Variants in GRIK4 observed in about 807,000 individuals in gnomAD.
The protein encoded by GRIK4 is glutamate receptor ionotropic, kainate 4.
A neutral mutation model predicts 104.9 loss-of-function variants in GRIK4; 40 were observed. That is an observed-to-expected ratio of 0.38 (90% CI 0.30 to 0.50). The LOEUF (loss-of-function observed/expected upper bound fraction) is 0.50. Among genes scored for constraint, GRIK4 ranks in the 20% least tolerant of loss-of-function variants. The pLI, the probability that GRIK4 is intolerant of heterozygous loss-of-function variation, is 0.93. For missense variants in GRIK4, 1,047 were observed against 1,308.1 expected, an observed-to-expected ratio of 0.80 and a Z score of 3.08; for synonymous variants, 485 against 524.9, an observed-to-expected ratio of 0.92 and a Z score of 1.04.
At chr11:120,514,760 G>A (rs559542594) in intron 1 of GRIK4, among the ~76,000 whole-genome samples, 2 of 152,086 alleles carry the variant, frequency 1.3e-5, no homozygotes, top group Admixed American at 6.5e-5. Context: ...GCATGCAGCC[G>A]GGGTGCCTGG....
chr11:120,599,031 A>G (rs1948844880), intron 1 of GRIK4, among the ~76,000 whole-genome samples: 1 of 152,210 alleles, frequency 6.6e-6, no homozygotes, highest in African/African-American at 2.4e-5. Context: ...GCGTTACTGC[A>G]AAGGGTAACA....
intron 1 of GRIK4, among the ~76,000 whole-genome samples, chr11:120,625,251 G>C (rs1405739288): frequency 1.3e-5 from 2 of 152,184 alleles, no homozygotes; most frequent in African/African-American, 4.8e-5. Context: ...CCCAGCCTGG[G>C]CGACAGAGTG....
chr11:120,916,307 A>C (rs1206746813), intron 13 of GRIK4, among the ~76,000 whole-genome samples: 3 of 143,340 alleles, frequency 2.1e-5, no homozygotes, highest in African/African-American at 9.0e-5. Flanking sequence ...AGATGCGAGC[A>C]GAAGTTATTT....
chr11:120,805,272 A>G (rs1359090485), intron 4 of GRIK4, among the ~76,000 whole-genome samples: 1 of 152,148 alleles, frequency 6.6e-6, no homozygotes, highest in Non-Finnish European at 1.5e-5. Flanking sequence ...TAAATAGTTC[A>G]GTAGTCCATA....
chr11:120,705,892 C>T (rs552095266), intron 3 of GRIK4, among the ~76,000 whole-genome samples: 1 of 152,278 alleles, frequency 6.6e-6, no homozygotes, highest in Admixed American at 6.5e-5. Flanking sequence ...TGTTTATTAG[C>T]TCTAGTAGTG....
At chr11:120,849,513 C>G (rs896223469) in intron 8 of GRIK4, among the ~76,000 whole-genome samples, 1 of 152,208 alleles carries the variant, frequency 6.6e-6, no homozygotes, top group Non-Finnish European at 1.5e-5. Context: ...ACCCATTTCC[C>G]AAAGCTGGTA....
intron 3 of GRIK4, among the ~76,000 whole-genome samples, chr11:120,671,625 T>A (rs1482003452): frequency 1.3e-5 from 2 of 152,250 alleles, no homozygotes; most frequent in Non-Finnish European, 2.9e-5. Context: ...ATTCTGGATA[T>A]TAGCCCTTGT....
At chr11:120,875,364 G>A (rs756312375) in intron 11 of GRIK4, 121 bp downstream of exon 11, 23 of 696,086 alleles carry the variant, frequency 3.3e-5, no homozygotes, top group Middle Eastern at 3.7e-4. Flanking sequence ...GCTGGATCCT[G>A]GGCAAGGCTC....
chr11:120,952,809 T>G lies in GRIK4; in HGVS notation c.1591-46T>G, dbSNP rs1410156420. 2 of 1,341,872 alleles carry G rather than the reference T, an allele frequency of 1.5e-6. No individual in the cohort carries two copies. Among genetic ancestry groups the G allele is most frequent in the Admixed American group, 1.7e-5 (1 of 59,638 alleles). 83.1% of individuals were successfully genotyped at this position (1,341,872 alleles called of 1,614,324 possible). ...CCGCCCTGCCTGCCCCAAGGTCATG[T>G]TGACTGAATATGTGCGGTGAATCTT... On this transcript the variant is annotated intron_variant, in intron 14 of 20. Transcript: ENST00000527524. This position sits in a 1 kb window ranked among gnomAD's most constrained non-coding sequence, Gnocchi z 5.2.
At chr11:120,689,397 C>A (rs781186453) in intron 3 of GRIK4, among the ~76,000 whole-genome samples, 2 of 152,078 alleles carry the variant, frequency 1.3e-5, no homozygotes, top group African/African-American at 4.8e-5. Flanking sequence ...TAGGGTTTCT[C>A]TTATTTATGA....
chr11:120,844,175 C>A (rs749726944), intron 8 of GRIK4, among the ~76,000 whole-genome samples: 1 of 152,032 alleles, frequency 6.6e-6, no homozygotes, highest in Non-Finnish European at 1.5e-5. Flanking sequence ...ATAATTGATT[C>A]CAGGAGGAAA....
chr11:120,796,319 G>C (rs916567265), intron 3 of GRIK4, among the ~76,000 whole-genome samples: 15 of 152,204 alleles, frequency 9.9e-5, no homozygotes, highest in African/African-American at 3.6e-4. Flanking sequence ...ACAGGCGTGA[G>C]CCATCGTGCC....
Position 120,555,858 on chromosome 11 carries a change from G to A in GRIK4, c.-159+43971G>A, listed in dbSNP as rs1948181034. Among the ~76,000 whole-genome samples, 3 of 152,106 alleles carry A rather than the reference G, an allele frequency of 2.0e-5. No homozygotes were observed. Among genetic ancestry groups the A allele is most frequent in the Non-Finnish European group, 4.4e-5 (3 of 68,020 alleles). On this transcript the variant is annotated intron_variant, in intron 1 of 20. Transcript: ENST00000527524. The surrounding 1 kb of genome is among the most constrained non-coding windows in gnomAD (Gnocchi z 5.3). ...GGCCATGCTGGGGCCACGCGTCTTG[G>A]GAGCAACAGAAAATGCCTTGTCTTG...
chr11:120,746,710 C>T (rs1359174715), intron 3 of GRIK4, among the ~76,000 whole-genome samples: 1 of 152,168 alleles, frequency 6.6e-6, no homozygotes, highest in Non-Finnish European at 1.5e-5. Flanking sequence ...TCATGAGCTG[C>T]AAGCATTGGA....
intron 1 of GRIK4, among the ~76,000 whole-genome samples, chr11:120,619,045 G>C (rs1209320080): frequency 6.6e-6 from 1 of 152,162 alleles, no homozygotes; most frequent in Non-Finnish European, 1.5e-5. Context: ...GCCTGGAAAA[G>C]CTGCAGGCAC....
intron 1 of GRIK4, among the ~76,000 whole-genome samples, chr11:120,521,592 C>A (rs960803637): frequency 1.3e-5 from 2 of 152,178 alleles, no homozygotes; most frequent in African/African-American, 4.8e-5. Context: ...CTGCCCCTTG[C>A]CCAGGGCTGC....
chr11:120,678,190 C>T (rs1169264586), intron 3 of GRIK4, among the ~76,000 whole-genome samples: 2 of 152,214 alleles, frequency 1.3e-5, no homozygotes, highest in Admixed American at 6.5e-5. Flanking sequence ...ATGGGACAAC[C>T]TCCGTTTCTT....
intron 11 of GRIK4, among the ~76,000 whole-genome samples, chr11:120,891,854 G>T (rs1364262711): frequency 6.6e-6 from 1 of 152,192 alleles, no homozygotes; most frequent in Non-Finnish European, 1.5e-5. Flanking sequence ...GGGATTAACA[G>T]ATGTAAAGTA....
intron 19 of GRIK4, among the ~76,000 whole-genome samples, chr11:120,976,005 A>G (rs917103339): frequency 2.0e-5 from 3 of 152,250 alleles, no homozygotes; most frequent in Non-Finnish European, 4.4e-5. Flanking sequence ...GTAAACACTC[A>G]TAAAGGTCAG....
Sources: gnomAD v4.1 joint callset for allele counts (sites outside exome capture counted in the v4.1 genomes callset) on GRCh38, gnomAD v4.1.1 for gene constraint, Gnocchi (gnomAD v3.1) non-coding constraint, MANE v1.5 for transcripts, NCBI Gene and HGNC (gene_info 2026-07-23, HGNC 2026-07-21) for gene names.